TECPR1: variants seen among roughly 807,000 people sequenced by gnomAD.
TECPR1 encodes the protein tectonin beta-propeller repeat-containing protein 1.
TECPR1 carries 122 observed loss-of-function variants against 162.4 expected under a neutral mutation model. That is an observed-to-expected ratio of 0.75 (90% CI 0.65 to 0.87). The LOEUF (loss-of-function observed/expected upper bound fraction) is 0.87. Among genes scored for constraint, TECPR1 ranks in the 40% least tolerant of loss-of-function variants. TECPR1 has a pLI of 0.00. For missense variants in TECPR1, 1,432 were observed against 1,618.2 expected (o/e 0.88, Z 1.97); for synonymous variants, 642 against 670.6 (o/e 0.96, Z 0.66).
rs746841379 is a variant in TECPR1, at chr7:98,230,949, C to A, written c.2282+12G>T. 1.2e-6 allele frequency: 2 copies of A among 1,607,078 alleles called. No individual in the cohort carries two copies. Among genetic ancestry groups the A allele is most frequent in the Admixed American group, 1.7e-5 (1 of 59,436 alleles). On this transcript the variant is annotated intron_variant, in intron 15 of 25. Transcript: ENST00000447648. Reference sequence around the variant, plus strand: ...CAGGCCCCAGACCCCACCCAGAGTGCGGCTCACTCACATCTGGTCGCAGGG... The same window carrying A: ...CAGGCCCCAGACCCCACCCAGAGTGAGGCTCACTCACATCTGGTCGCAGGG...
chr7:98,225,037 C>A lies in TECPR1; in HGVS notation c.2579G>T (p.Gly860Val), dbSNP rs1798244359. 1 of 1,558,282 alleles carries A rather than the reference C, an allele frequency of 6.4e-7. No individual in the cohort carries two copies. The highest frequency in any genetic ancestry group is 2.0e-5 in the Admixed American group (1 of 50,726). Residue 860 changes from glycine (G) to valine (V), a missense_variant, in exon 18 of 26, where the codon GGC (glycine) becomes GTC (valine). Transcript: ENST00000447648. ...ASGLQECTKA[G>V]TKPPSLQWAW... ...CCACTGCAGGGACGGGGGCTTCGTG[C>A]CAGCCTTCGTGCACTCCTGCAGCCC... is the stretch of plus-strand genomic sequence containing the variant.
intron 8 of TECPR1, among the ~76,000 whole-genome samples, chr7:98,240,207 G>C (rs1798709712): frequency 6.6e-6 from 1 of 152,172 alleles, no homozygotes; most frequent in South Asian, 2.1e-4. Context: ...GCAGTGACTA[G>C]AGGATGGGGA....
chr7:98,214,906 G>C lies in TECPR1; in HGVS notation c.*2484C>G, dbSNP rs1797966187. 1 of 152,370 alleles carries C rather than the reference G, an allele frequency of 6.6e-6. No homozygotes were observed. The highest frequency in any genetic ancestry group is 1.5e-5 in the Non-Finnish European group (1 of 68,164). The allele number at this position is 152,370 out of a possible 1,614,324, so 9.4% of individuals were successfully genotyped here. On this transcript the variant is annotated 3_prime_UTR_variant, in exon 26 of 26. Coordinates refer to ENST00000447648, the MANE Select transcript of TECPR1 (RefSeq NM_015395.3). ...CCCAGTCCTTCTTCCCCTGAGGCCAGAGGGGACGCCCCGCGGCCACATCAC... is the reference window on the plus strand; with the variant it reads ...CCCAGTCCTTCTTCCCCTGAGGCCACAGGGGACGCCCCGCGGCCACATCAC...
At chr7:98,244,479 G>C in intron 5 of TECPR1, 92 bp downstream of exon 5, 1 of 1,501,206 alleles carries the variant, frequency 6.7e-7, no homozygotes, top group Non-Finnish European at 9.0e-7. Flanking sequence ...GTGTCCCCTG[G>C]TGCACACAGG....
chr7:98,243,002 C>A (rs1390606661), intron 6 of TECPR1, among the ~76,000 whole-genome samples: 1 of 17,886 alleles, frequency 5.6e-5, no homozygotes, highest in African/African-American at 9.6e-5. Context: ...ACCCACCCAT[C>A]CACCCATCCA....
chr7:98,249,295 C>T (rs117261904), intron 2 of TECPR1, among the ~76,000 whole-genome samples: 4,091 of 152,152 alleles, frequency 0.027, 87 homozygotes, highest in South Asian at 0.088. Flanking sequence ...CTGGGAAACT[C>T]CCATAACAGG....
chr7:98,220,350 CA>C (rs76933242), intron 23 of TECPR1, among the ~76,000 whole-genome samples: 2 of 151,068 alleles, frequency 1.3e-5, no homozygotes, highest in Non-Finnish European at 2.9e-5. Flanking sequence ...GTCTCAAAAA[CA>C]AAAAAAAAAT....
intron 20 of TECPR1, 52 bp from the exon 21 acceptor site, chr7:98,223,222 C>A: frequency 6.6e-7 from 1 of 1,506,438 alleles, no homozygotes; most frequent in East Asian, 2.4e-5. Flanking sequence ...GACCACCAGG[C>A]TCCAGGGCCT....
intron 23 of TECPR1, among the ~76,000 whole-genome samples, chr7:98,221,381 C>T (rs1798134487): frequency 6.6e-6 from 1 of 152,082 alleles, no homozygotes; most frequent in African/African-American, 2.4e-5. Context: ...GAGGTGGATA[C>T]TCCCTTTACC....
chr7:98,223,587 A>G (rs2270595), intron 20 of TECPR1, 75 bp downstream of exon 20: 1,368,462 of 1,536,300 alleles, frequency 0.89, 613,353 homozygotes, highest in East Asian at 0.96. Context: ...CCCGGGGTGC[A>G]GGGAACCAGA....
intron 19 of TECPR1, among the ~76,000 whole-genome samples, chr7:98,224,378 G>T (rs924206706): frequency 2.0e-5 from 3 of 152,210 alleles, no homozygotes; most frequent in African/African-American, 7.2e-5. Context: ...CTCGTGTTGG[G>T]TCCCTCAACA....
Position 98,217,413 on chromosome 7 carries a change from C to T in TECPR1, c.3475G>A (p.Ala1159Thr). The T allele has an allele frequency of 6.2e-7, 1 of 1,602,164 alleles. No individual in the cohort carries two copies. The change falls in exon 26 of 26, where the codon GCC becomes ACC. Residue 1159 changes from alanine (A) to threonine (T), a missense_variant. Transcript: ENST00000447648. ...CCTCAGCAGCAGACGGGGCCATGGGCCTCTGGTGGGGCACTCGGCTCCTGC... is the reference window on the plus strand; with the variant it reads ...CCTCAGCAGCAGACGGGGCCATGGGTCTCTGGTGGGGCACTCGGCTCCTGC... ...QEQEPSAPPE[A>T]HGPVCC
chr7:98,225,987 G>A (rs1036949340), intron 17 of TECPR1, among the ~76,000 whole-genome samples: 14 of 152,192 alleles, frequency 9.2e-5, no homozygotes, highest in Non-Finnish European at 1.6e-4. Context: ...CAGGACACTC[G>A]AGTGGCAGGA....
chr7:98,244,773 G>T, intron 4 of TECPR1, 80 bp from the exon 5 acceptor site: 2 of 1,580,986 alleles, frequency 1.3e-6, no homozygotes, highest in Non-Finnish European at 1.7e-6. Flanking sequence ...GGGAGGGTGT[G>T]GCCTGAAACA....
Position 98,245,072 on chromosome 7 carries a change from G to T in TECPR1, c.226-5C>A. 6.4e-7 allele frequency: 1 copy of T among 1,573,914 alleles called. No homozygotes were observed. Among genetic ancestry groups the T allele is most frequent in the South Asian group, 1.2e-5 (1 of 86,318 alleles). On this transcript the variant is annotated splice_polypyrimidine_tract_variant and splice_region_variant and intron_variant, in intron 3 of 25. Coordinates refer to ENST00000447648, the MANE Select transcript of TECPR1 (RefSeq NM_015395.3). ...GCCGCCCATGGGATTCCAGCGCTGA[G>T]GGCCGGGGACACAGAGGCGGCCTTG...
intron 17 of TECPR1, among the ~76,000 whole-genome samples, chr7:98,225,565 G>A (rs1398797158): frequency 6.6e-6 from 1 of 151,716 alleles, no homozygotes; most frequent in Non-Finnish European, 1.5e-5. Flanking sequence ...GGGGGGAGGG[G>A]GGAAAATTTG....
intron 10 of TECPR1, 111 bp downstream of exon 10, chr7:98,236,665 A>G: frequency 7.1e-7 from 1 of 1,398,682 alleles, no homozygotes; most frequent in Non-Finnish European, 9.7e-7. Flanking sequence ...CCTGCCTGGG[A>G]CAAGTCCTGG....
rs1798450974 is a variant in TECPR1 at position 98,231,856 on chromosome 7, C to A, written c.1922G>T (p.Gly641Val). ...LALEQFTGHD[G>V]VRDSILFIYY... The stretch of plus-strand genomic sequence containing the variant: ...GATGAAGAGGATGCTGTCCCGGACG[C>A]CGTCGTGCCCCGTGAACTGCTCCAG... The change falls in exon 13 of 26, where the codon GGC becomes GTC. Residue 641 changes from glycine (G) to valine (V), a missense_variant. By Grantham distance (109) the Gly-to-Val change is moderately radical. Transcript: ENST00000447648. 6.2e-7 allele frequency: 1 copy of A among 1,612,692 alleles called. No homozygotes were observed. The highest frequency in any genetic ancestry group is 1.7e-5 in the Admixed American group (1 of 59,988).
intron 10 of TECPR1, among the ~76,000 whole-genome samples, chr7:98,234,137 G>A (rs1228466370): frequency 6.6e-6 from 1 of 152,224 alleles, no homozygotes; most frequent in African/African-American, 2.4e-5. Flanking sequence ...ACATATCTGA[G>A]AGTGAAGATC....
Sources: allele counts gnomAD v4.1 joint callset (sites outside exome capture counted in the v4.1 genomes callset), GRCh38; gene constraint gnomAD v4.1.1; transcripts MANE v1.5; gene names NCBI Gene and HGNC (gene_info 2026-07-23, HGNC 2026-07-21).